MECOM: variants seen among roughly 807,000 people sequenced by gnomAD.
The protein encoded by MECOM is MDS1 and EVI1 complex locus.
A neutral mutation model predicts 116.3 loss-of-function variants in MECOM; 13 were observed. The ratio of observed to expected loss-of-function variants is 0.11; its 90% CI spans 0.07 to 0.18. The LOEUF is 0.18. MECOM is among the 10% of genes least tolerant of loss of function. The pLI, the probability that MECOM is intolerant of heterozygous loss-of-function variation, is 1.00. For synonymous variants in MECOM, 528 were observed against 535.2 expected, an observed-to-expected ratio of 0.99 and a Z score of 0.19; for missense variants, 1,299 against 1,509.0, an observed-to-expected ratio of 0.86 and a Z score of 2.31.
Position 169,330,548 on chromosome 3 carries a change from C to A in MECOM, c.375+50639G>T, listed in dbSNP as rs192081765. On this transcript the variant is annotated intron_variant, in intron 2 of 16. Transcript: ENST00000651503. Reference sequence around the variant, plus strand: ...CTGTGTCTAAAAGATTAAAAAAGAGCAAATAACAATCTTAATAAACTGATG... The same window carrying A: ...CTGTGTCTAAAAGATTAAAAAAGAGAAAATAACAATCTTAATAAACTGATG... Among the ~76,000 whole-genome samples, 307 of 152,080 alleles carry A rather than the reference C, an allele frequency of 2.0e-3. 1 individual carries two copies. Among genetic ancestry groups the A allele is most frequent in the African/African-American group, 7.0e-3 (289 of 41,494 alleles).
chr3:169,378,410 AAAG>A (rs1436231613), intron 2 of MECOM, among the ~76,000 whole-genome samples: 1 of 58,140 alleles, frequency 1.7e-5, no homozygotes, highest in East Asian at 3.9e-4. Context: ...AGAAAGAAAG[AAAG>A]AAAGAAAGAA....
chr3:169,161,490 A>G (rs1742841727), intron 2 of MECOM, among the ~76,000 whole-genome samples: 1 of 152,088 alleles, frequency 6.6e-6, no homozygotes, highest in African/African-American at 2.4e-5. Flanking sequence ...TTTTTTCCTG[A>G]TTAAAAAAAA....
intron 2 of MECOM, among the ~76,000 whole-genome samples, chr3:169,360,821 A>G (rs1389187655): frequency 6.6e-6 from 1 of 151,858 alleles, no homozygotes; most frequent in Non-Finnish European, 1.5e-5. Flanking sequence ...ACTTGCTGTC[A>G]TGAGGCATAT....
chr3:169,482,150 G>GA (rs149813618), intron 1 of MECOM, among the ~76,000 whole-genome samples: 10,609 of 149,190 alleles, frequency 0.071, 635 homozygotes, highest in East Asian at 0.25. Flanking sequence ...TCTTATTAGA[G>GA]AAAAAAAAAG....
chr3:169,214,330 T>A (rs1751153553), intron 2 of MECOM, among the ~76,000 whole-genome samples: 1 of 151,942 alleles, frequency 6.6e-6, no homozygotes, highest in African/African-American at 2.4e-5. Flanking sequence ...CCAAATTCAA[T>A]TTAATTATAT....
intron 1 of MECOM, among the ~76,000 whole-genome samples, chr3:169,637,504 AGTTGTCCCG>A (rs1772952356): frequency 6.6e-6 from 1 of 152,190 alleles, no homozygotes; most frequent in Non-Finnish European, 1.5e-5. Flanking sequence ...CTTACAGCCA[AGTTGTCCCG>A]GGCCTCAGAT....
In MECOM at chr3:169,116,459, G is replaced by A. The variant is rs780755663; in HGVS notation, c.1413C>T (p.Gly471=). 67 of 1,614,116 alleles carry A rather than the reference G, an allele frequency of 4.2e-5. No homozygotes were observed. Among genetic ancestry groups the A allele is most frequent in the East Asian group, 2.7e-4 (12 of 44,876 alleles). ...HANPGLADYF[G]ANRHPAGLTF... ...TAAGACCAGCAGGATGCCTATTGGC[G>A]CCAAAATAGTCAGCAAGGCCCGGGT... The change falls in exon 8 of 17, where the codon GGC becomes GGT. Residue 471 remains glycine, a synonymous_variant. Coordinates refer to ENST00000651503, the MANE Select transcript of MECOM (RefSeq NM_004991.4).
At chr3:169,394,884 G>T (rs1400021467) in intron 1 of MECOM, among the ~76,000 whole-genome samples, 1 of 152,114 alleles carries the variant, frequency 6.6e-6, no homozygotes, top group East Asian at 1.9e-4. Flanking sequence ...AAAGAGTAGG[G>T]CATATCTGCA....
intron 2 of MECOM, among the ~76,000 whole-genome samples, chr3:169,224,057 T>C (rs1313154094): frequency 6.6e-6 from 1 of 152,218 alleles, no homozygotes; most frequent in Non-Finnish European, 1.5e-5. Flanking sequence ...CCTAGGTTTT[T>C]TCTATGCCCC....
intron 2 of MECOM, among the ~76,000 whole-genome samples, chr3:169,342,041 C>T (rs1724636849): frequency 6.6e-6 from 1 of 152,034 alleles, no homozygotes; most frequent in East Asian, 1.9e-4. Flanking sequence ...AAAGTTTTCA[C>T]CACTCAAAAT....
chr3:169,573,199 C>T (rs1490328595), intron 1 of MECOM, among the ~76,000 whole-genome samples: 2 of 152,080 alleles, frequency 1.3e-5, no homozygotes, highest in African/African-American at 4.8e-5. Context: ...AGGAGGGAGC[C>T]GGTTTTGTTT....
chr3:169,239,014 T>C (rs1007083109), intron 2 of MECOM, among the ~76,000 whole-genome samples: 1 of 152,176 alleles, frequency 6.6e-6, no homozygotes, highest in Non-Finnish European at 1.5e-5. Flanking sequence ...ATTAACACTA[T>C]ATATTTTTTG....
At chr3:169,181,898 C>A (rs111679947) in intron 2 of MECOM, among the ~76,000 whole-genome samples, 8 of 152,268 alleles carry the variant, frequency 5.3e-5, no homozygotes, top group East Asian at 1.9e-4. Flanking sequence ...CTCATCTGTG[C>A]AATGGGGCTA....
intron 1 of MECOM, among the ~76,000 whole-genome samples, chr3:169,656,171 C>A (rs1484419102): frequency 6.6e-6 from 1 of 152,214 alleles, no homozygotes; most frequent in Non-Finnish European, 1.5e-5. Context: ...CACTTTCATT[C>A]ATAAATGTCA....
chr3:169,600,010 C>T (rs1273141134), intron 1 of MECOM, among the ~76,000 whole-genome samples: 1 of 152,030 alleles, frequency 6.6e-6, no homozygotes, highest in African/African-American at 2.4e-5. Context: ...CTCGCTCTGT[C>T]CCCCAGGCTG....
Position 169,277,086 on chromosome 3 carries a change from T to C in MECOM, c.375+104101A>G, listed in dbSNP as rs79577073. On this transcript the variant is annotated intron_variant, in intron 2 of 16. Coordinates refer to ENST00000651503, the MANE Select transcript of MECOM (RefSeq NM_004991.4). The stretch of plus-strand genomic sequence containing the variant: ...CCAGGATTTCACTCCATGAGGCTAC[T>C]TCCCCTCTTTTAGATTATGAGGATA... Among the ~76,000 whole-genome samples the C allele has an allele frequency of 3.2e-4, 48 of 152,106 alleles. No homozygotes were observed. In the East Asian group the frequency reaches 7.7e-3, roughly 25 times the overall value.
intron 2 of MECOM, among the ~76,000 whole-genome samples, chr3:169,257,785 G>A (rs1226761232): frequency 1.3e-5 from 2 of 152,164 alleles, no homozygotes; most frequent in Non-Finnish European, 2.9e-5. Flanking sequence ...GAGCTGTGGA[G>A]GAGCTGCCGT....
At chr3:169,526,347 C>G (rs1757965884) in intron 1 of MECOM, among the ~76,000 whole-genome samples, 1 of 152,086 alleles carries the variant, frequency 6.6e-6, no homozygotes, top group African/African-American at 2.4e-5. Flanking sequence ...AAATGACAGA[C>G]ATGAAGGAGG....
At chr3:169,092,172 T>C (rs577892657) in intron 14 of MECOM, among the ~76,000 whole-genome samples, 2 of 152,090 alleles carry the variant, frequency 1.3e-5, no homozygotes, top group African/African-American at 4.8e-5. Flanking sequence ...TTTAAATGAA[T>C]TAAGCTATTC....
Sources: gnomAD v4.1 joint callset for allele counts (sites outside exome capture counted in the v4.1 genomes callset) on GRCh38, gnomAD v4.1.1 for gene constraint, MANE v1.5 for transcripts, NCBI Gene and HGNC (gene_info 2026-07-23, HGNC 2026-07-21) for gene names.